ARHGAP10: variants seen among roughly 807,000 people sequenced by gnomAD.
The protein encoded by ARHGAP10 is rho GTPase-activating protein 10.
A neutral mutation model predicts 108.6 loss-of-function variants in ARHGAP10; 87 were observed. That is an observed-to-expected ratio of 0.80 (90% CI 0.67 to 0.96). ARHGAP10 has a LOEUF of 0.96. Among genes scored for constraint, ARHGAP10 ranks in the 40% least tolerant of loss-of-function variants. The pLI is 0.00. For missense variants in ARHGAP10, 939 were observed against 954.5 expected (o/e 0.98, Z 0.21); for synonymous variants, 347 against 341.1 (o/e 1.02, Z -0.19).
intron 13 of ARHGAP10, among the ~76,000 whole-genome samples, chr4:147,919,531 C>A (rs1455338157): frequency 1.3e-5 from 2 of 152,024 alleles, no homozygotes; most frequent in African/African-American, 4.8e-5. Context: ...CCAAACTTTG[C>A]TGCACATTGA....
chr4:148,047,987 T>C (rs1728962054), intron 20 of ARHGAP10, among the ~76,000 whole-genome samples: 1 of 152,124 alleles, frequency 6.6e-6, no homozygotes, highest in South Asian at 2.1e-4. Context: ...CACAGCCAGC[T>C]AATTTTTATA....
At chr4:147,803,172 C>A (rs189304698) in intron 1 of ARHGAP10, among the ~76,000 whole-genome samples, 13 of 152,206 alleles carry the variant, frequency 8.5e-5, no homozygotes, top group African/African-American at 3.1e-4. Flanking sequence ...CAATGCCAAG[C>A]TGATTTTTGT....
At chr4:147,769,084 T>C (rs1027272598) in intron 1 of ARHGAP10, among the ~76,000 whole-genome samples, 1 of 152,132 alleles carries the variant, frequency 6.6e-6, no homozygotes. Context: ...AGGGCAGAAA[T>C]GAATTATGCA....
chr4:147,827,465 A>T (rs1413652138), intron 3 of ARHGAP10, among the ~76,000 whole-genome samples: 1 of 152,194 alleles, frequency 6.6e-6, no homozygotes, highest in Non-Finnish European at 1.5e-5. Context: ...GGCAGCCCCT[A>T]AGCTTGTGGC....
intron 18 of ARHGAP10, among the ~76,000 whole-genome samples, chr4:148,011,790 T>A (rs1741178976): frequency 2.0e-5 from 3 of 152,228 alleles, no homozygotes; most frequent in Non-Finnish European, 4.4e-5. Flanking sequence ...AACTGTAATC[T>A]ATCAGGAGAC....
chr4:148,015,963 C>A, intron 18 of ARHGAP10, among the ~76,000 whole-genome samples: 1 of 152,138 alleles, frequency 6.6e-6, no homozygotes. Context: ...AGAGGACACA[C>A]TGTGAATGGG....
At chr4:147,770,871 G>C (rs915470601) in intron 1 of ARHGAP10, among the ~76,000 whole-genome samples, 3 of 152,186 alleles carry the variant, frequency 2.0e-5, no homozygotes, top group African/African-American at 7.2e-5. Flanking sequence ...AATTCTGGAG[G>C]CTAGAAGTCT....
rs758786274 is a variant in ARHGAP10, at chr4:147,766,633, C to T, written c.154+34178C>T. The stretch of plus-strand genomic sequence containing the variant: ...ATGTGTATGTATACACATATATATA[C>T]GTATATACACACCCACCCACACACA... On this transcript the variant is annotated intron_variant, in intron 1 of 22. Transcript: ENST00000336498. Among the ~76,000 whole-genome samples the T allele has an allele frequency of 1.3e-3, 180 of 136,156 alleles. 1 individual carries two copies. The highest frequency in any genetic ancestry group is 5.4e-3 in the Admixed American group (74 of 13,654). The allele number at this position is 136,156 out of a possible 152,430, so 89.3% of individuals were successfully genotyped here.
chr4:147,770,447 C>T (rs376127893), intron 1 of ARHGAP10, among the ~76,000 whole-genome samples: 6 of 152,260 alleles, frequency 3.9e-5, no homozygotes, highest in African/African-American at 1.2e-4. Flanking sequence ...ATTGCTTGAA[C>T]CCGGGAGGCG....
chr4:147,755,211 G>C (rs1488624646), intron 1 of ARHGAP10, among the ~76,000 whole-genome samples: 2 of 151,994 alleles, frequency 1.3e-5, no homozygotes, highest in Non-Finnish European at 2.9e-5. Flanking sequence ...GTTATTTTAA[G>C]AACAAAAATA....
At chr4:147,879,158 T>C in intron 8 of ARHGAP10, 74 bp from the exon 9 acceptor site, 1 of 1,214,066 alleles carries the variant, frequency 8.2e-7, no homozygotes, top group Non-Finnish European at 1.2e-6. Flanking sequence ...ATTTCCTCTT[T>C]AGTAATGTGT....
At chr4:148,010,489 C>T (rs1010410955) in intron 18 of ARHGAP10, among the ~76,000 whole-genome samples, 2 of 151,992 alleles carry the variant, frequency 1.3e-5, no homozygotes, top group African/African-American at 4.8e-5. Flanking sequence ...ATTTTAGACC[C>T]ACAGAAAGGT....
At chr4:147,804,318 A>G (rs1731694115) in intron 1 of ARHGAP10, among the ~76,000 whole-genome samples, 1 of 152,194 alleles carries the variant, frequency 6.6e-6, no homozygotes, top group Non-Finnish European at 1.5e-5. Flanking sequence ...TGTTGCTGCA[A>G]AGGACATGAT....
At chr4:147,871,035 C>G (rs972712299) in intron 7 of ARHGAP10, among the ~76,000 whole-genome samples, 1 of 151,686 alleles carries the variant, frequency 6.6e-6, no homozygotes, top group Non-Finnish European at 1.5e-5. Context: ...TCTCGGCTCA[C>G]TGTAAGCTCC....
At chr4:147,977,855 T>G (rs1739656621) in intron 18 of ARHGAP10, among the ~76,000 whole-genome samples, 1 of 152,084 alleles carries the variant, frequency 6.6e-6, no homozygotes, top group Non-Finnish European at 1.5e-5. Flanking sequence ...TACTTTCATC[T>G]TTATATCTGT....
chr4:147,832,139 C>G (rs1398930033), intron 3 of ARHGAP10, among the ~76,000 whole-genome samples: 1 of 152,060 alleles, frequency 6.6e-6, no homozygotes. Context: ...ATGTAACCAG[C>G]CCATTTAATT....
At chr4:147,783,481 A>G (rs1298527313) in intron 1 of ARHGAP10, among the ~76,000 whole-genome samples, 1 of 146,826 alleles carries the variant, frequency 6.8e-6, no homozygotes, top group Non-Finnish European at 1.5e-5. Flanking sequence ...TATAATTTAT[A>G]TAGCACACAT....
At chr4:147,765,449 A>G (rs762339120) in intron 1 of ARHGAP10, among the ~76,000 whole-genome samples, 2 of 152,068 alleles carry the variant, frequency 1.3e-5, no homozygotes, top group Non-Finnish European at 2.9e-5. Flanking sequence ...ATTAAAACAC[A>G]AGGTGGGATA....
intron 22 of ARHGAP10, among the ~76,000 whole-genome samples, chr4:148,066,071 A>T (rs1729861568): frequency 6.6e-6 from 1 of 151,856 alleles, no homozygotes; most frequent in Admixed American, 6.6e-5. Context: ...AGTCTCAAAG[A>T]TGTTATCAAA....
Sources: allele counts gnomAD v4.1 joint callset (sites outside exome capture counted in the v4.1 genomes callset), GRCh38; gene constraint gnomAD v4.1.1; transcripts MANE v1.5; gene names NCBI Gene and HGNC (gene_info 2026-07-23, HGNC 2026-07-21).